The following PI4K2B variants were observed in gnomAD, a reference collection of about 807,000 sequenced individuals.
The protein encoded by PI4K2B is phosphatidylinositol 4-kinase type 2 beta, also known as phosphatidylinositol 4-kinase type 2-beta.
In PI4K2B, 46 loss-of-function variants were observed where a neutral mutation model predicts 56.6. The observed-to-expected ratio is 0.81, with a 90% CI of 0.64 to 1.04. The LOEUF is 1.04. Among genes scored for constraint, PI4K2B ranks in the 50% least tolerant of loss-of-function variants. The pLI, the probability that PI4K2B is intolerant of heterozygous loss-of-function variation, is 0.00. For synonymous variants in PI4K2B, 211 were observed against 223.8 expected (o/e 0.94, Z 0.51); for missense variants, 556 against 607.7 (o/e 0.91, Z 0.89).
chr4:25,245,222 G>A (rs956245694), intron 1 of PI4K2B, among the ~76,000 whole-genome samples: 1 of 152,156 alleles, frequency 6.6e-6, no homozygotes, highest in African/African-American at 2.4e-5. Context: ...CCTAAAGAAG[G>A]TAACAGTTTA....
In PI4K2B at chr4:25,277,043, C is replaced by T. The variant is rs374166794; in HGVS notation, c.1302C>T (p.Asp434=). 12 of 1,600,720 alleles carry T rather than the reference C, an allele frequency of 7.5e-6. No individual in the cohort carries two copies. Among genetic ancestry groups the T allele is most frequent in the South Asian group, 4.5e-5 (4 of 89,552 alleles). Residue 434 remains aspartate (D), a synonymous_variant, in exon 10 of 10, where the codon GAC becomes GAT. Transcript: ENST00000264864. ...QILNLTQALR[D]GKSPFQLVQI... ...TAAACCTTACTCAGGCATTGAGAGACGGGAAGAGTCCTTTCCAGCTAGTAC... is the reference window on the plus strand; with the variant it reads ...TAAACCTTACTCAGGCATTGAGAGATGGGAAGAGTCCTTTCCAGCTAGTAC...
chr4:25,251,522 T>C (rs1716050351), intron 1 of PI4K2B, among the ~76,000 whole-genome samples: 1 of 152,002 alleles, frequency 6.6e-6, no homozygotes, highest in Non-Finnish European at 1.5e-5. Flanking sequence ...AGCAAGGACA[T>C]GAAGGGAGAG....
At chr4:25,259,911 C>G (rs1427962885) in intron 5 of PI4K2B, among the ~76,000 whole-genome samples, 1 of 152,186 alleles carries the variant, frequency 6.6e-6, no homozygotes, top group African/African-American at 2.4e-5. Context: ...GTTAAACATG[C>G]ATCTTCTCAG....
chr4:25,255,849 A>T (rs1468716197), intron 3 of PI4K2B, among the ~76,000 whole-genome samples: 10 of 142,000 alleles, frequency 7.0e-5, no homozygotes, highest in Admixed American at 6.9e-4. Context: ...GGCTCAGGTG[A>T]TCCTCCCACC....
chr4:25,269,856 G>A (rs546973283), intron 9 of PI4K2B, among the ~76,000 whole-genome samples: 48 of 151,546 alleles, frequency 3.2e-4, no homozygotes, highest in African/African-American at 1.1e-3. Flanking sequence ...TGGGACTACA[G>A]GCGCCCACCA....
At chr4:25,273,940 T>C (rs1187971793) in intron 9 of PI4K2B, among the ~76,000 whole-genome samples, 2 of 152,128 alleles carry the variant, frequency 1.3e-5, no homozygotes, top group Non-Finnish European at 2.9e-5. Context: ...CCTTCCCCTT[T>C]CCCAGTGGTG....
intron 1 of PI4K2B, among the ~76,000 whole-genome samples, chr4:25,235,401 T>C (rs985006510): frequency 3.3e-5 from 5 of 152,362 alleles, no homozygotes; most frequent in Non-Finnish European, 4.4e-5. Flanking sequence ...AGATTTTAAA[T>C]GTACTGTTAG....
rs1268678064 is a variant in PI4K2B, at chr4:25,234,375, TG to T, written c.217del (p.Val73SerfsTer18). 3 of 1,403,392 alleles carry T rather than the reference TG, an allele frequency of 2.1e-6. No individual in the cohort carries two copies. The highest frequency in any genetic ancestry group is 2.8e-6 in the Non-Finnish European group (3 of 1,077,598). The allele number at this position is 1,403,392 out of a possible 1,614,324, so 86.9% of individuals were successfully genotyped here. A position where few individuals can be genotyped will look rare whatever the true frequency, so the allele number is the denominator to read the frequency against. ...GAGCTGCCCCTCCCGCCCGGGGACG[TG>T]GGGGTCTCCCGGAGTTCGTCCGCCG... Reference protein sequence around the residue: ...DEELPLPPGDVGVSRSSSAEL... With the variant: ...DEELPLPPGDXGVSRSSSAEL... On this transcript the variant is annotated frameshift_variant, in exon 1 of 10. Transcript: ENST00000264864. LOFTEE classifies it high-confidence loss of function.
rs115455704 is a variant in PI4K2B, at chr4:25,239,600, C to T, written c.268+5169C>T. On this transcript the variant is annotated intron_variant, in intron 1 of 9. Transcript: ENST00000264864. ...AAGTGCCACACGCAACCCCAGTTCC[C>T]GCCCACACCTGTCCCTCCACACCTC... Among the ~76,000 whole-genome samples, 438 of 152,328 alleles carry T rather than the reference C, an allele frequency of 2.9e-3. 2 individuals are homozygous for T. Among genetic ancestry groups the T allele is most frequent in the African/African-American group, 0.01 (418 of 41,574 alleles).
chr4:25,239,433 C>CAAGTGCCACATGCAACCCCAGTTCCCG (rs1560365518), intron 1 of PI4K2B, among the ~76,000 whole-genome samples: 20 of 116,518 alleles, frequency 1.7e-4, no homozygotes, highest in South Asian at 5.0e-4. Context: ...ACGGTGCCGG[C>CAAGTGCCACATGCAACCCCAGTTCCCG]CCAGGGGGAC....
At chr4:25,239,504 T>C in intron 1 of PI4K2B, among the ~76,000 whole-genome samples, 1 of 60,394 alleles carries the variant, frequency 1.7e-5, no homozygotes, top group East Asian at 2.9e-4. Flanking sequence ...CCGGGGCCGG[T>C]GGGGCCGGCC....
rs147430336 is a variant in PI4K2B at position 25,258,150 on chromosome 4, T to C, written c.757-887T>C. On this transcript the variant is annotated intron_variant, in intron 4 of 9. Coordinates refer to ENST00000264864, the MANE Select transcript of PI4K2B (RefSeq NM_018323.4). ...TTAAAACCGCTATCAATATTATGAT[T>C]AATAGATTTGTTCTTTAAAATTTAA... 3.2e-3 allele frequency among the ~76,000 whole-genome samples: 487 copies of C among 152,160 alleles called. 1 individual carries two copies. Among genetic ancestry groups the C allele is most frequent in the African/African-American group, 0.011 (469 of 41,536 alleles).
chr4:25,248,241 T>G (rs796723754), intron 1 of PI4K2B, among the ~76,000 whole-genome samples: 25 of 152,336 alleles, frequency 1.6e-4, no homozygotes, highest in African/African-American at 5.8e-4. Context: ...AGTTCTCCAT[T>G]TTTAGTTTCT....
At chr4:25,258,778 T>TA (rs1343054558) in intron 4 of PI4K2B, among the ~76,000 whole-genome samples, 3 of 152,186 alleles carry the variant, frequency 2.0e-5, no homozygotes, top group Non-Finnish European at 4.4e-5. Context: ...ATTCTTTTTT[T>TA]AAATTTTCCC....
At chr4:25,243,954 A>G (rs529246011) in intron 1 of PI4K2B, among the ~76,000 whole-genome samples, 1 of 152,316 alleles carries the variant, frequency 6.6e-6, no homozygotes, top group Non-Finnish European at 1.5e-5. Context: ...TTACTTGACT[A>G]AGACACCAGG....
At chr4:25,262,225 C>T (rs1577692825) in intron 6 of PI4K2B, among the ~76,000 whole-genome samples, 1 of 152,244 alleles carries the variant, frequency 6.6e-6, no homozygotes, top group African/African-American at 2.4e-5. Context: ...CCTGTGGTCC[C>T]AGCTATTCGG....
intron 8 of PI4K2B, 78 bp downstream of exon 8, chr4:25,268,654 C>T (rs1283385266): frequency 2.0e-6 from 2 of 1,003,030 alleles, no homozygotes; most frequent in Non-Finnish European, 2.9e-6. Context: ...AGCTGATTTG[C>T]AATTTTCTAT....
chr4:25,244,192 T>C (rs1715661702), intron 1 of PI4K2B, among the ~76,000 whole-genome samples: 1 of 152,020 alleles, frequency 6.6e-6, no homozygotes, highest in Non-Finnish European at 1.5e-5. Flanking sequence ...TGGGCCAAAT[T>C]CCCCTCCCCC....
At chr4:25,242,588 G>T (rs1304667915) in intron 1 of PI4K2B, among the ~76,000 whole-genome samples, 1 of 152,262 alleles carries the variant, frequency 6.6e-6, no homozygotes, top group Non-Finnish European at 1.5e-5. Context: ...ATGAGTCTAA[G>T]ATCTTGCACT....
Sources: gnomAD v4.1 joint callset for allele counts (sites outside exome capture counted in the v4.1 genomes callset) on GRCh38, gnomAD v4.1.1 for gene constraint, MANE v1.5 for transcripts, NCBI Gene and HGNC (gene_info 2026-07-23, HGNC 2026-07-21) for gene names.